EDNRB: variants seen among roughly 807,000 people sequenced by gnomAD.
EDNRB encodes Hirschsprung disease 2.
Under a neutral mutation model 46.4 loss-of-function variants are expected in EDNRB, and 18 were observed. The observed-to-expected ratio is 0.39, with a 90% CI of 0.27 to 0.57. EDNRB has a LOEUF of 0.57. Among genes scored for constraint, EDNRB ranks in the 20% least tolerant of loss-of-function variants. The probability of loss-of-function intolerance (pLI) is 0.61; values close to 1 mark genes in which losing one functional copy is unlikely to be tolerated. For missense variants in EDNRB, 434 were observed against 537.5 expected (o/e 0.81, Z 1.90); for synonymous variants, 213 against 204.9 (o/e 1.04, Z -0.34).
Position 77,918,036 on chromosome 13 carries a change from C to T in EDNRB, c.483+55G>A. On this transcript the variant is annotated intron_variant, in intron 1 of 6. Transcript: ENST00000646607. The surrounding 1 kb of genome is among the most constrained non-coding windows in gnomAD (Gnocchi z 4.5). Reference sequence around the variant, plus strand: ...TCTACAAGCTTTCTCATCTCCCCGTCTCCAACCAGGCCCCCTTCCTCAAGC... The same window carrying T: ...TCTACAAGCTTTCTCATCTCCCCGTTTCCAACCAGGCCCCCTTCCTCAAGC... The T allele has an allele frequency of 6.2e-7, 1 of 1,612,666 alleles. No homozygotes were observed. The highest frequency in any genetic ancestry group is 8.5e-7 in the Non-Finnish European group (1 of 1,179,968).
chr13:77,948,582 G>C (rs1287835392), intron 1 of EDNRB, among the ~76,000 whole-genome samples: 1 of 152,230 alleles, frequency 6.6e-6, no homozygotes, highest in African/African-American at 2.4e-5. Context: ...ACACCTGATA[G>C]ATGGCTTTAG....
intron 1 of EDNRB, among the ~76,000 whole-genome samples, chr13:77,961,599 C>T (rs2084393750): frequency 6.6e-6 from 1 of 152,132 alleles, no homozygotes; most frequent in Admixed American, 6.6e-5. Flanking sequence ...AAAGACACAA[C>T]ATACCAGAAT....
intron 1 of EDNRB, among the ~76,000 whole-genome samples, chr13:77,946,292 T>C (rs1880912668): frequency 6.6e-6 from 1 of 152,142 alleles, no homozygotes; most frequent in Non-Finnish European, 1.5e-5. Context: ...AGCTTTTCTC[T>C]TGAATGTTAG....
At chr13:77,903,654 C>T (rs1485294338) in intron 1 of EDNRB, 47 bp from the exon 2 acceptor site, 9 of 1,503,836 alleles carry the variant, frequency 6.0e-6, no homozygotes, top group African/African-American at 5.5e-5. Flanking sequence ...TCATAAGATG[C>T]CCTCTGAATT....
intron 1 of EDNRB, among the ~76,000 whole-genome samples, chr13:77,958,455 C>T (rs1881303936): frequency 6.6e-6 from 1 of 152,154 alleles, no homozygotes; most frequent in Non-Finnish European, 1.5e-5. Context: ...TCACTGCAAG[C>T]TCCGCCTCCC....
At chr13:77,911,071 G>A (rs945290642) in intron 1 of EDNRB, among the ~76,000 whole-genome samples, 1 of 151,932 alleles carries the variant, frequency 6.6e-6, no homozygotes, top group Non-Finnish European at 1.5e-5. Context: ...TATATCCATA[G>A]TTTGAGCTTT....
intron 1 of EDNRB, chr13:77,940,007 T>TAAAG: frequency 1.3e-5 from 2 of 150,418 alleles, no homozygotes; most frequent in Middle Eastern, 6.9e-3. Flanking sequence ...AATAAATAAA[T>TAAAG]AAATAAATAA....
chr13:77,923,177 T>C (rs1005074547), upstream of EDNRB, among the ~76,000 whole-genome samples: 1 of 152,184 alleles, frequency 6.6e-6, no homozygotes, highest in Non-Finnish European at 1.5e-5. Flanking sequence ...GATACATTCT[T>C]TTTTTCTGAG....
chr13:77,943,990 A>G (rs1880827384), intron 1 of EDNRB, among the ~76,000 whole-genome samples: 1 of 152,078 alleles, frequency 6.6e-6, no homozygotes, highest in South Asian at 2.1e-4. Flanking sequence ...TCAATACTTG[A>G]GGTAGTTATA....
At chr13:77,919,005 A>G (rs1302869879), upstream of EDNRB, 7 of 774,750 alleles carry the variant, frequency 9.0e-6, no homozygotes, top group Admixed American at 4.5e-5. Context: ...GAATTAAGGC[A>G]CCTAGAGGCC....
At chr13:77,945,657 G>T (rs1213785269) in intron 1 of EDNRB, among the ~76,000 whole-genome samples, 1 of 152,042 alleles carries the variant, frequency 6.6e-6, no homozygotes, top group African/African-American at 2.4e-5. Flanking sequence ...CTGAGGAATT[G>T]TACTTACGGA....
intron 1 of EDNRB, among the ~76,000 whole-genome samples, chr13:77,959,123 T>C (rs539064035): frequency 1.3e-5 from 2 of 152,340 alleles, no homozygotes; most frequent in Non-Finnish European, 2.9e-5. Context: ...ATATCTTTTA[T>C]GCAATCCTTC....
chr13:77,958,734 A>C (rs1881313335), intron 1 of EDNRB, among the ~76,000 whole-genome samples: 1 of 152,188 alleles, frequency 6.6e-6, no homozygotes, highest in African/African-American at 2.4e-5. Flanking sequence ...AATGAGACTA[A>C]ACAAGATCTA....
chr13:77,969,721 T>TCAG (rs1594404334), intron 1 of EDNRB, among the ~76,000 whole-genome samples: 1 of 152,330 alleles, frequency 6.6e-6, no homozygotes, highest in East Asian at 1.9e-4. Flanking sequence ...GATAATGTGC[T>TCAG]TATGACTGGG....
Position 77,896,990 on chromosome 13 carries a change from T to C in EDNRB, c.*1210A>G. ...GCTATTTACAAAAATAATACAAAAATTAGTAATAAGCTTTACAGGTAGCTG... is the reference window on the plus strand; with the variant it reads ...GCTATTTACAAAAATAATACAAAAACTAGTAATAAGCTTTACAGGTAGCTG... On this transcript the variant is annotated 3_prime_UTR_variant, in exon 7 of 7. Transcript: ENST00000646607. 1.0e-6 allele frequency: 1 copy of C among 991,738 alleles called. No homozygotes were observed. The allele number at this position is 991,738 out of a possible 1,614,324, so 61.4% of individuals were successfully genotyped here.
chr13:77,930,414 G>A (rs779424691), intron 1 of EDNRB, among the ~76,000 whole-genome samples: 2 of 152,200 alleles, frequency 1.3e-5, no homozygotes, highest in Non-Finnish European at 2.9e-5. Flanking sequence ...ATATGGATAA[G>A]TGGTCTGTGA....
chr13:77,957,403 A>G (rs1032112145), intron 1 of EDNRB, among the ~76,000 whole-genome samples: 1 of 152,230 alleles, frequency 6.6e-6, no homozygotes, highest in Non-Finnish European at 1.5e-5. Context: ...ATTTACAGGC[A>G]TAAAGGTCAT....
In EDNRB at chr13:77,898,251, A is replaced by C. The variant is rs747813758; in HGVS notation, c.1278T>G (p.Asn426Lys). Residue 426 changes from asparagine (N) to lysine (K), a missense_variant, in exon 7 of 7, where the codon AAT becomes AAG. By Grantham distance (94) the Asn-to-Lys change is moderately conservative (BLOSUM62 0). Coordinates refer to ENST00000646607, the MANE Select transcript of EDNRB (RefSeq NM_001122659.3). ...AACGGAAGTTGTCATATCCGTGATC[A>C]TTAGCTTTGAACTTTAAGCACGACT... ...EKQSCLKFKA[N>K]DHGYDNFRSS... The C allele has an allele frequency of 6.2e-7, 1 of 1,612,048 alleles. No homozygotes were observed. Among genetic ancestry groups the C allele is most frequent in the Non-Finnish European group, 8.5e-7 (1 of 1,178,858 alleles).
At chr13:77,942,303 G>C (rs1345222401) in intron 1 of EDNRB, among the ~76,000 whole-genome samples, 1 of 152,150 alleles carries the variant, frequency 6.6e-6, no homozygotes, top group Admixed American at 6.5e-5. Flanking sequence ...AACAAGCCTT[G>C]TTTCTGGTGT....
Sources: allele counts gnomAD v4.1 joint callset (sites outside exome capture counted in the v4.1 genomes callset), GRCh38; gene constraint gnomAD v4.1.1; non-coding constraint Gnocchi (gnomAD v3.1); transcripts MANE v1.5; gene names NCBI Gene and HGNC (gene_info 2026-07-23, HGNC 2026-07-21).